DOCK3: variants seen among roughly 807,000 people sequenced by gnomAD.
DOCK3 encodes the protein dedicator of cytokinesis protein 3.
DOCK3 carries 60 observed loss-of-function variants against 265.6 expected under a neutral mutation model. That is an observed-to-expected ratio of 0.23 (90% confidence interval 0.18 to 0.28). The LOEUF (loss-of-function observed/expected upper bound fraction) is 0.28. DOCK3 is among the 10% of genes least tolerant of loss of function. DOCK3 has a pLI of 1.00. For synonymous variants in DOCK3, 881 were observed against 938.0 expected, an observed-to-expected ratio of 0.94 and a Z score of 1.11; for missense variants, 1,981 against 2,594.3, an observed-to-expected ratio of 0.76 and a Z score of 5.14.
At chr3:51,183,207 C>G (rs1257877206) in intron 12 of DOCK3, among the ~76,000 whole-genome samples, 1 of 152,202 alleles carries the variant, frequency 6.6e-6, no homozygotes, top group Non-Finnish European at 1.5e-5. Flanking sequence ...AAATTAAATA[C>G]TTGAGGAAAT....
chr3:51,299,731 A>T lies in DOCK3; in HGVS notation c.2923-10501A>T, dbSNP rs914036980. On this transcript the variant is annotated intron_variant, in intron 27 of 52. Transcript: ENST00000266037. ...GAAGATCAGATGGTTGTAGATATGC[A>T]GTCTTATTTCTGAGATCGCTATTCT... Among the ~76,000 whole-genome samples, 3 of 152,192 alleles carry T rather than the reference A, an allele frequency of 2.0e-5. No homozygotes were observed. The East Asian group carries it at 5.8e-4, about 29-fold the overall frequency.
At chr3:50,986,270 G>A (rs998132252) in intron 5 of DOCK3, among the ~76,000 whole-genome samples, 1 of 152,184 alleles carries the variant, frequency 6.6e-6, no homozygotes, top group African/African-American at 2.4e-5. Context: ...CAAGTATATA[G>A]TTACAATCTA....
chr3:51,372,132 G>A (rs144797710), intron 49 of DOCK3, among the ~76,000 whole-genome samples: 43 of 152,284 alleles, frequency 2.8e-4, no homozygotes, highest in African/African-American at 9.4e-4. Context: ...CTAAACTCTT[G>A]TGAGTTGACA....
At chr3:51,064,698 G>C (rs566180084) in intron 6 of DOCK3, 102 bp downstream of exon 6, 2 of 1,411,378 alleles carry the variant, frequency 1.4e-6, no homozygotes, top group African/African-American at 2.9e-5. Flanking sequence ...TGATTCAAAG[G>C]CAATGTTATA....
intron 1 of DOCK3, among the ~76,000 whole-genome samples, chr3:50,718,771 ATTTT>A (rs373965842): frequency 2.6e-5 from 2 of 76,960 alleles, no homozygotes; most frequent in African/African-American, 1.0e-4. Flanking sequence ...TTGTGGGTTG[ATTTT>A]TTTTTTTTTT....
chr3:50,852,648 T>A (rs1490698455), intron 3 of DOCK3, among the ~76,000 whole-genome samples: 1 of 152,154 alleles, frequency 6.6e-6, no homozygotes, highest in East Asian at 1.9e-4. Flanking sequence ...GAATTTGTGT[T>A]CTCTCTTTTT....
intron 40 of DOCK3, among the ~76,000 whole-genome samples, chr3:51,351,899 C>T (rs1221475913): frequency 1.3e-5 from 2 of 152,208 alleles, no homozygotes; most frequent in Admixed American, 6.5e-5. Flanking sequence ...TTATGTGATC[C>T]GCCCGCCTCG....
At chr3:51,023,494 C>T (rs1446783694) in intron 5 of DOCK3, among the ~76,000 whole-genome samples, 1 of 152,024 alleles carries the variant, frequency 6.6e-6, no homozygotes, top group Non-Finnish European at 1.5e-5. Flanking sequence ...CGGCTCACTC[C>T]AACCTCTGCC....
At chr3:51,082,452 G>C (rs1424298087) in intron 7 of DOCK3, among the ~76,000 whole-genome samples, 1 of 152,172 alleles carries the variant, frequency 6.6e-6, no homozygotes, top group Non-Finnish European at 1.5e-5. Flanking sequence ...GGGTGGTGCA[G>C]TGCACCTAGG....
intron 1 of DOCK3, among the ~76,000 whole-genome samples, chr3:50,682,805 G>A (rs2034505832): frequency 6.6e-6 from 1 of 152,208 alleles, no homozygotes. Flanking sequence ...CGGGCATGGT[G>A]GCGCACGCCT....
At chr3:51,153,009 A>T (rs1253701588) in intron 10 of DOCK3, among the ~76,000 whole-genome samples, 1 of 152,160 alleles carries the variant, frequency 6.6e-6, no homozygotes, top group Non-Finnish European at 1.5e-5. Flanking sequence ...AACACTGTGC[A>T]GGGAGAACCA....
chr3:51,098,075 C>T lies in DOCK3; in HGVS notation c.746+7691C>T, dbSNP rs913927641. Among the ~76,000 whole-genome samples, 3 of 152,100 alleles carry T rather than the reference C, an allele frequency of 2.0e-5. No individual in the cohort carries two copies. The East Asian group carries it at 5.8e-4, about 29-fold the overall frequency. On this transcript the variant is annotated intron_variant, in intron 9 of 52. Transcript: ENST00000266037. ...CCTATTTGACCATCTTGCCAGCCAC[C>T]GATCGGAGTTTTGCTCTTTTGCCCA... is the stretch of plus-strand genomic sequence containing the variant.
intron 5 of DOCK3, among the ~76,000 whole-genome samples, chr3:51,004,714 G>GTT (rs56348225): frequency 3.9e-4 from 46 of 118,706 alleles, no homozygotes; most frequent in African/African-American, 1.3e-3. Flanking sequence ...AGAGATTTAA[G>GTT]TTTTTTTTTT....
At chr3:50,893,927 A>G (rs2048764965) in intron 4 of DOCK3, among the ~76,000 whole-genome samples, 1 of 144,814 alleles carries the variant, frequency 6.9e-6, no homozygotes, top group Non-Finnish European at 1.5e-5. Context: ...GAATAATGAG[A>G]ACATTGGGAC....
At chr3:50,744,846 T>G (rs963900218) in intron 1 of DOCK3, among the ~76,000 whole-genome samples, 1 of 152,234 alleles carries the variant, frequency 6.6e-6, no homozygotes, top group Non-Finnish European at 1.5e-5. Context: ...CTTTCCCCAT[T>G]TAATGGTCTT....
intron 5 of DOCK3, among the ~76,000 whole-genome samples, chr3:50,959,530 T>TTGTGTGTG (rs201803035): frequency 1.4e-5 from 2 of 146,088 alleles, no homozygotes; most frequent in East Asian, 2.0e-4. Flanking sequence ...TCTTTTTATG[T>TTGTGTGTG]TGTGTGTGTG....
intron 2 of DOCK3, among the ~76,000 whole-genome samples, chr3:50,834,187 A>T (rs1434045294): frequency 6.6e-6 from 1 of 151,966 alleles, no homozygotes; most frequent in African/African-American, 2.4e-5. Context: ...TGCATTCAAG[A>T]GCACCTGTCA....
chr3:51,105,018 A>G (rs988311293), intron 9 of DOCK3, among the ~76,000 whole-genome samples: 2 of 152,224 alleles, frequency 1.3e-5, no homozygotes, highest in Non-Finnish European at 2.9e-5. Flanking sequence ...ATGGGAAAGC[A>G]TGAGTACTCC....
chr3:51,210,584 T>A (rs544914516), intron 13 of DOCK3, among the ~76,000 whole-genome samples: 1 of 152,216 alleles, frequency 6.6e-6, no homozygotes, highest in Non-Finnish European at 1.5e-5. Context: ...CCTTTGGCCT[T>A]TCTACTCAGT....
Sources: allele counts gnomAD v4.1 joint callset (sites outside exome capture counted in the v4.1 genomes callset), GRCh38; gene constraint gnomAD v4.1.1; transcripts MANE v1.5; gene names NCBI Gene and HGNC (gene_info 2026-07-23, HGNC 2026-07-21).